TSPAN4: variants seen among roughly 807,000 people sequenced by gnomAD.
TSPAN4 encodes the protein tetraspanin 4.
A neutral mutation model predicts 31.5 loss-of-function variants in TSPAN4; 38 were observed. The observed-to-expected ratio is 1.21, with a 90% CI of 0.93 to 1.58. The LOEUF (loss-of-function observed/expected upper bound fraction) is 1.58, where lower values mean the gene tolerates loss of function less well. TSPAN4 is among the 40% of genes most tolerant of loss of function. The probability of loss-of-function intolerance (pLI) is 0.00; values close to 1 mark genes in which losing one functional copy is unlikely to be tolerated. For missense variants in TSPAN4, 330 were observed against 317.3 expected (o/e 1.04, Z -0.30); for synonymous variants, 186 against 144.6 (o/e 1.29, Z -2.06).
rs546361594 is a variant in TSPAN4, at chr11:864,680, C to A, written c.330+169C>A. 82 of 781,428 alleles carry A rather than the reference C, an allele frequency of 1.0e-4. No homozygotes were observed. The African/African-American group carries it at 1.1e-3, about 11-fold the overall frequency. 48.4% of individuals were successfully genotyped at this position (781,428 alleles called of 1,614,324 possible). A position where few individuals can be genotyped will look rare whatever the true frequency, so the allele number is the denominator to read the frequency against. ...GCCTGGAGGGGCAGCGCCAGCGACC[C>A]TGGGAGGCTGTGCTGTGGCTCTATA... On this transcript the variant is annotated intron_variant, in intron 5 of 8. Coordinates refer to ENST00000397397, the MANE Select transcript of TSPAN4 (RefSeq NM_003271.5).
intron 3 of TSPAN4, among the ~76,000 whole-genome samples, chr11:854,117 C>G (rs996587485): frequency 6.6e-6 from 1 of 152,230 alleles, no homozygotes; most frequent in Non-Finnish European, 1.5e-5. Context: ...GCCTGCTCTT[C>G]CCGCCTGTCA....
intron 5 of TSPAN4, 38 bp from the exon 6 acceptor site, chr11:865,475 A>G: frequency 6.5e-7 from 1 of 1,544,892 alleles, no homozygotes; most frequent in Non-Finnish European, 8.9e-7. Flanking sequence ...GGCGGGGTAC[A>G]GTGGGAGGGG....
chr11:865,664 G>T (rs768652762), intron 6 of TSPAN4, 30 bp from the exon 7 acceptor site: 25 of 1,612,506 alleles, frequency 1.6e-5, no homozygotes, highest in Non-Finnish European at 1.3e-5. Flanking sequence ...CTCCCCTCCT[G>T]CCTCAGCCCG....
intron 3 of TSPAN4, among the ~76,000 whole-genome samples, chr11:851,381 T>C (rs1847710373): frequency 6.6e-6 from 1 of 152,212 alleles, no homozygotes. Context: ...AGCTCCTGCC[T>C]AGGCTCTGGG....
At chr11:866,455 T>G (rs1314546713) in intron 8 of TSPAN4, 107 bp from the exon 9 acceptor site, 1 of 1,027,526 alleles carries the variant, frequency 9.7e-7, no homozygotes, top group Non-Finnish European at 1.4e-6. Flanking sequence ...TCGCCCACCC[T>G]GGGGTCGGGG....
At position 853,887 on chromosome 11, in the gene TSPAN4, G is replaced by A. The variant is rs74991906; in HGVS notation, c.63+3520G>A. On this transcript the variant is annotated intron_variant, in intron 3 of 8. Transcript: ENST00000397397. ...GGTGTCTCCTGGGAGCCTCATTCCG[G>A]GGGAGGCTGGGTGCAGGGCCCGTGA... Among the ~76,000 whole-genome samples, 149 of 152,346 alleles carry A rather than the reference G, an allele frequency of 9.8e-4. 5 individuals are homozygous for A. In the East Asian group the frequency reaches 0.025, roughly 26 times the overall value.
Position 862,697 on chromosome 11 carries a change from G to T in TSPAN4, c.211G>T (p.Gly71Cys), listed in dbSNP as rs1848528179. The T allele has an allele frequency of 6.2e-7, 1 of 1,612,886 alleles. No homozygotes were observed. Among genetic ancestry groups the T allele is most frequent in the Non-Finnish European group, 8.5e-7 (1 of 1,179,790 alleles). Reference protein sequence around the residue: ...GAFVMAIGFVGCLGAIKENKC... With the variant: ...GAFVMAIGFVCCLGAIKENKC... ...CTTTGTCATGGCCATCGGCTTCGTG[G>T]GCTGCCTGGGTGCCATCAAGGAGAA... The change falls in exon 4 of 9, where the codon GGC becomes TGC. Residue 71 changes from glycine to cysteine, a missense_variant. Physicochemically the swap from Gly to Cys is radical, Grantham distance 159. Transcript: ENST00000397397.
chr11:862,739 A>G lies in TSPAN4; in HGVS notation c.253A>G (p.Thr85Ala). 1 of 1,608,930 alleles carries G rather than the reference A, an allele frequency of 6.2e-7. No homozygotes were observed. The highest frequency in any genetic ancestry group is 8.5e-7 in the Non-Finnish European group (1 of 1,177,716). Residue 85 changes from threonine to alanine, a missense_variant and splice_region_variant, in exon 4 of 9, where the codon ACT (threonine) becomes GCT (alanine). Thr to Ala is a moderately conservative substitution (Grantham distance 58, BLOSUM62 0). Transcript: ENST00000397397. ...CAAGGAGAACAAGTGCCTCCTGCTC[A>G]CTGTGAGTGCCGGGGCCCAAGCGAT... Reference protein sequence around the residue: ...AIKENKCLLLTFFLLLLLVFL... With the variant: ...AIKENKCLLLAFFLLLLLVFL...
chr11:859,124 T>C (rs1326726996), intron 3 of TSPAN4, among the ~76,000 whole-genome samples: 1 of 73,594 alleles, frequency 1.4e-5, no homozygotes, highest in Non-Finnish European at 2.6e-5. Flanking sequence ...GTGCCCTGGC[T>C]CACACGCACC....
At chr11:850,618 TCTC>T (rs995929873) in intron 3 of TSPAN4, among the ~76,000 whole-genome samples, 19 of 152,020 alleles carry the variant, frequency 1.2e-4, no homozygotes, top group African/African-American at 4.6e-4. Context: ...TCCCCTCTCC[TCTC>T]CTCTCCTCTC....
At chr11:864,297 C>A in intron 4 of TSPAN4, 140 bp from the exon 5 acceptor site, 1 of 1,030,156 alleles carries the variant, frequency 9.7e-7, no homozygotes, top group South Asian at 1.4e-5. Context: ...GCGTTCTGGG[C>A]TCTCTGGGAG....
At position 850,358 on chromosome 11, in the gene TSPAN4, G is replaced by A. The variant is rs755448052; in HGVS notation, c.54G>A (p.Leu18=). 5.0e-6 allele frequency: 8 copies of A among 1,603,718 alleles called. No individual in the cohort carries two copies. The East Asian group carries it at 1.3e-4, about 27-fold the overall frequency. ...AVKYLMFAFN[L]LFWLGGCGVL... is the part of the protein sequence containing the mutation. ...AGTACCTCATGTTCGCCTTCAACCT[G>A]CTCTTCTGGGTGAGTCCGGGGGCCG... The change falls in exon 3 of 9, where the codon CTG becomes CTA. Residue 18 remains leucine, a synonymous_variant. Coordinates refer to ENST00000397397, the MANE Select transcript of TSPAN4 (RefSeq NM_003271.5).
chr11:860,163 A>C (rs1015935169), intron 3 of TSPAN4, among the ~76,000 whole-genome samples: 15 of 152,206 alleles, frequency 9.9e-5, no homozygotes, highest in African/African-American at 3.4e-4. Flanking sequence ...AGGCCGGGGA[A>C]GGACAGAGCC....
chr11:845,105 G>A (rs1847237037), intron 1 of TSPAN4, among the ~76,000 whole-genome samples: 1 of 152,198 alleles, frequency 6.6e-6, no homozygotes, highest in African/African-American at 2.4e-5. Context: ...CTGCCGCTGA[G>A]GCTGGGCATG....
chr11:843,914 C>T (rs1163262257), intron 1 of TSPAN4, among the ~76,000 whole-genome samples: 1 of 152,136 alleles, frequency 6.6e-6, no homozygotes, highest in East Asian at 1.9e-4. Context: ...TTTTCTGGGT[C>T]CGGAGTGGTG....
chr11:860,557 G>A (rs985169025), intron 3 of TSPAN4, among the ~76,000 whole-genome samples: 27 of 152,218 alleles, frequency 1.8e-4, no homozygotes, highest in Non-Finnish European at 2.9e-4. Flanking sequence ...CTGCCAGGGT[G>A]GAGGCCCCAG....
At chr11:852,933 G>A (rs1388402760) in intron 3 of TSPAN4, among the ~76,000 whole-genome samples, 1 of 152,228 alleles carries the variant, frequency 6.6e-6, no homozygotes, top group Non-Finnish European at 1.5e-5. Context: ...TGGGCCTGTG[G>A]GGAGGGCATG....
intron 1 of TSPAN4, chr11:844,456 CCTCAGG>C (rs1170100689): frequency 6.6e-6 from 1 of 152,326 alleles, no homozygotes; most frequent in Non-Finnish European, 1.5e-5. Flanking sequence ...ACTGCCCCAG[CCTCAGG>C]CTCTGTGCAT....
chr11:853,044 CTGGGTGTGGCTG>C lies in TSPAN4; in HGVS notation c.63+2687_63+2698del, dbSNP rs573771260. Among the ~76,000 whole-genome samples, 9 of 150,870 alleles carry C rather than the reference CTGGGTGTGGCTG, an allele frequency of 6.0e-5. No individual in the cohort carries two copies. The South Asian group carries it at 1.3e-3, about 21-fold the overall frequency. ...GTGTGACTGGGGGGCTGTGCCCGTCCTGGGTGTGGCTGTGGGTGTGGGGGCAGGGGCTGAGCC... is the reference window on the plus strand; with the variant it reads ...GTGTGACTGGGGGGCTGTGCCCGTCCTGGGTGTGGGGGCAGGGGCTGAGCC... On this transcript the variant is annotated intron_variant, in intron 3 of 8. Transcript: ENST00000397397.
Sources: gnomAD v4.1 joint callset for allele counts (sites outside exome capture counted in the v4.1 genomes callset) on GRCh38, gnomAD v4.1.1 for gene constraint, MANE v1.5 for transcripts, NCBI Gene and HGNC (gene_info 2026-07-23, HGNC 2026-07-21) for gene names.